Variants in ACBD3 observed in about 807,000 individuals in gnomAD.
ACBD3 encodes Golgi resident protein GCP60.
ACBD3 carries 30 observed loss-of-function variants against 66.9 expected under a neutral mutation model. That is an observed-to-expected ratio of 0.45 (90% CI 0.34 to 0.61). ACBD3 has a LOEUF of 0.61. Among genes scored for constraint, ACBD3 ranks in the 20% least tolerant of loss-of-function variants. ACBD3 has a pLI of 0.02. For missense variants in ACBD3, 544 were observed against 664.5 expected (o/e 0.82, Z 1.99); for synonymous variants, 278 against 259.8 (o/e 1.07, Z -0.68).
intron 1 of ACBD3, among the ~76,000 whole-genome samples, chr1:226,179,631 C>T (rs1343978411): frequency 6.6e-6 from 1 of 151,644 alleles, no homozygotes; most frequent in Admixed American, 6.6e-5. Context: ...GCCGGGTGGG[C>T]AGATCACCTG....
At chr1:226,174,848 C>T (rs1281398896) in intron 1 of ACBD3, among the ~76,000 whole-genome samples, 2 of 151,746 alleles carry the variant, frequency 1.3e-5, no homozygotes, top group Non-Finnish European at 2.9e-5. Flanking sequence ...GGCCTGTAAT[C>T]CCAGCACTTT....
At chr1:226,177,654 T>C (rs373904280) in intron 1 of ACBD3, among the ~76,000 whole-genome samples, 2 of 151,984 alleles carry the variant, frequency 1.3e-5, no homozygotes, top group South Asian at 2.1e-4. Flanking sequence ...TTCCCAACCA[T>C]GAGAGTCTGA....
intron 3 of ACBD3, among the ~76,000 whole-genome samples, chr1:226,162,535 C>A (rs898786241): frequency 6.6e-6 from 1 of 152,162 alleles, no homozygotes; most frequent in Non-Finnish European, 1.5e-5. Flanking sequence ...CTTTCACCCA[C>A]CCCACAAGAC....
intron 3 of ACBD3, among the ~76,000 whole-genome samples, chr1:226,163,124 A>G (rs1316956017): frequency 6.6e-6 from 1 of 152,114 alleles, no homozygotes; most frequent in Non-Finnish European, 1.5e-5. Flanking sequence ...GCCATGACCT[A>G]CTTTTAATGT....
At chr1:226,161,455 G>T in intron 4 of ACBD3, 76 bp downstream of exon 4, 1 of 1,591,482 alleles carries the variant, frequency 6.3e-7, no homozygotes, top group Middle Eastern at 1.7e-4. Context: ...ACCACACCTG[G>T]CCCGCTCATT....
chr1:226,182,453 A>G (rs1307931890), intron 1 of ACBD3, among the ~76,000 whole-genome samples: 1 of 152,122 alleles, frequency 6.6e-6, no homozygotes, highest in African/African-American at 2.4e-5. Context: ...ATCTCTATTA[A>G]TAATACAAAA....
At position 226,145,942 on chromosome 1, in the gene ACBD3, C is replaced by T. The variant is rs1659440213; in HGVS notation, c.*668G>A. The T allele has an allele frequency of 6.6e-6, 1 of 152,480 alleles. No homozygotes were observed. The highest frequency in any genetic ancestry group is 1.5e-5 in the Non-Finnish European group (1 of 68,024). The allele number at this position is 152,480 out of a possible 1,614,324, so 9.4% of individuals were successfully genotyped here. On this transcript the variant is annotated 3_prime_UTR_variant, in exon 8 of 8. Coordinates refer to ENST00000366812, the MANE Select transcript of ACBD3 (RefSeq NM_022735.4). ...TTTGTGGAAGTTCCTGAAGAAAAAT[C>T]TCTGAGGTGTTCTACGTATCTTGAT...
At chr1:226,161,759 G>A in intron 3 of ACBD3, 70 bp from the exon 4 acceptor site, 1 of 1,482,046 alleles carries the variant, frequency 6.7e-7, no homozygotes, top group African/African-American at 1.4e-5. Context: ...TTAGCTCCCA[G>A]GGAAAACTGA....
At chr1:226,179,714 C>T (rs769439980) in intron 1 of ACBD3, among the ~76,000 whole-genome samples, 16 of 151,940 alleles carry the variant, frequency 1.1e-4, no homozygotes, top group Non-Finnish European at 2.1e-4. Context: ...AAAAATTAGC[C>T]GGGTGTGGTG....
chr1:226,161,966 T>A (rs986281495), intron 3 of ACBD3, among the ~76,000 whole-genome samples: 2 of 152,176 alleles, frequency 1.3e-5, no homozygotes, highest in African/African-American at 4.8e-5. Context: ...CCCTGAAGGA[T>A]CCCCTCTAAT....
At chr1:226,164,030 G>A (rs1013932091) in intron 3 of ACBD3, among the ~76,000 whole-genome samples, 5 of 149,198 alleles carry the variant, frequency 3.4e-5, no homozygotes, top group African/African-American at 1.2e-4. Context: ...GGAGGCTGAG[G>A]CAGGAGAACT....
At chr1:226,172,638 C>CA (rs369066498) in intron 1 of ACBD3, among the ~76,000 whole-genome samples, 60 of 149,124 alleles carry the variant, frequency 4.0e-4, no homozygotes, top group African/African-American at 9.6e-4. Flanking sequence ...AAATTTGTCT[C>CA]AAAAAAAAAA....
At chr1:226,153,855 A>G (rs189688113) in intron 6 of ACBD3, among the ~76,000 whole-genome samples, 155 of 152,304 alleles carry the variant, frequency 1.0e-3, no homozygotes, top group Admixed American at 4.2e-3. Context: ...CCCACAATAT[A>G]TAAGGATTGG....
chr1:226,160,059 A>G (rs1286527831), intron 4 of ACBD3, among the ~76,000 whole-genome samples: 1 of 151,636 alleles, frequency 6.6e-6, no homozygotes, highest in African/African-American at 2.4e-5. Flanking sequence ...GTTTAGAGAT[A>G]CTCATATTCT....
chr1:226,186,101 G>A (rs1207957337), intron 1 of ACBD3, among the ~76,000 whole-genome samples: 1 of 152,204 alleles, frequency 6.6e-6, no homozygotes, highest in Non-Finnish European at 1.5e-5. Context: ...TCTTCCACCA[G>A]GGCTCCTGGA....
intron 7 of ACBD3, among the ~76,000 whole-genome samples, chr1:226,150,055 ATT>A (rs78400240): frequency 2.4e-4 from 32 of 133,478 alleles, no homozygotes; most frequent in Non-Finnish European, 2.9e-4. Context: ...ATTTTTTTTA[ATT>A]TTTTTTTTTT....
intron 1 of ACBD3, among the ~76,000 whole-genome samples, chr1:226,172,770 C>T (rs1655869453): frequency 6.6e-6 from 1 of 151,878 alleles, no homozygotes; most frequent in African/African-American, 2.4e-5. Flanking sequence ...CACTGCAAGA[C>T]CCCATCTCTA....
intron 5 of ACBD3, among the ~76,000 whole-genome samples, chr1:226,155,637 C>A (rs916288096): frequency 6.6e-6 from 1 of 151,710 alleles, no homozygotes; most frequent in Non-Finnish European, 1.5e-5. Flanking sequence ...GGTATGGGCC[C>A]CCAAAGCAAT....
At chr1:226,157,690 C>A (rs75733712) in intron 5 of ACBD3, among the ~76,000 whole-genome samples, 1 of 152,154 alleles carries the variant, frequency 6.6e-6, no homozygotes, top group South Asian at 2.1e-4. Context: ...CAGGCGTGCA[C>A]CACCATGCCC....
Sources: gnomAD v4.1 joint callset for allele counts (sites outside exome capture counted in the v4.1 genomes callset) on GRCh38, gnomAD v4.1.1 for gene constraint, MANE v1.5 for transcripts, NCBI Gene and HGNC (gene_info 2026-07-23, HGNC 2026-07-21) for gene names.